The following BCL2 variants were observed in gnomAD, a reference collection of about 807,000 sequenced individuals.
The protein encoded by BCL2 is apoptosis regulator Bcl-2.
Under a neutral mutation model 14.2 loss-of-function variants are expected in BCL2, and 1 was observed. That is an observed-to-expected ratio of 0.07 (90% CI 0.02 to 0.33). BCL2 has a LOEUF of 0.33. Among genes scored for constraint, BCL2 ranks in the 10% least tolerant of loss-of-function variants. The pLI, the probability that BCL2 is intolerant of heterozygous loss-of-function variation, is 0.99. For synonymous variants in BCL2, 151 were observed against 137.2 expected (o/e 1.10, Z -0.70); for missense variants, 247 against 305.9 (o/e 0.81, Z 1.44).
chr18:63,164,802 G>A (rs1231714015), intron 2 of BCL2, among the ~76,000 whole-genome samples: 1 of 152,182 alleles, frequency 6.6e-6, no homozygotes. Flanking sequence ...AGGCGTGAAC[G>A]TCAGCGTTCA....
chr18:63,249,765 A>G (rs1346791492), intron 2 of BCL2, among the ~76,000 whole-genome samples: 1 of 151,392 alleles, frequency 6.6e-6, no homozygotes, highest in Non-Finnish European at 1.5e-5. Flanking sequence ...GGAGTTAACC[A>G]AGACCCCCAG....
intron 2 of BCL2, among the ~76,000 whole-genome samples, chr18:63,296,517 TAG>T (rs1325299742): frequency 6.6e-6 from 1 of 152,206 alleles, no homozygotes; most frequent in Admixed American, 6.5e-5. Context: ...TTGCTCAAGC[TAG>T]TCTTGAACAC....
At chr18:63,242,685 C>T (rs917608052) in intron 2 of BCL2, among the ~76,000 whole-genome samples, 2 of 152,152 alleles carry the variant, frequency 1.3e-5, no homozygotes, top group African/African-American at 4.8e-5. Flanking sequence ...GCATTCTCAC[C>T]GTTCTCCAGA....
intron 2 of BCL2, among the ~76,000 whole-genome samples, chr18:63,192,677 A>G (rs1909320753): frequency 1.3e-5 from 2 of 152,190 alleles, no homozygotes; most frequent in South Asian, 4.1e-4. Context: ...CCACGGCCAC[A>G]GCACTTGCCA....
intron 2 of BCL2, among the ~76,000 whole-genome samples, chr18:63,190,929 A>G (rs1440475799): frequency 6.6e-6 from 1 of 152,112 alleles, no homozygotes; most frequent in Non-Finnish European, 1.5e-5. Context: ...TTCAGCTCCC[A>G]TTTATAAGTG....
chr18:63,145,011 G>A (rs1351324618), intron 2 of BCL2, among the ~76,000 whole-genome samples: 1 of 152,192 alleles, frequency 6.6e-6, no homozygotes, highest in Non-Finnish European at 1.5e-5. Flanking sequence ...TTAAAATGTT[G>A]TATGATATAG....
intron 2 of BCL2, among the ~76,000 whole-genome samples, chr18:63,249,260 G>A (rs774486364): frequency 2.2e-4 from 34 of 152,126 alleles, no homozygotes; most frequent in Non-Finnish European, 4.4e-4. Context: ...GTGTCACTAA[G>A]TCCAATTGGT....
intron 2 of BCL2, among the ~76,000 whole-genome samples, chr18:63,210,764 T>C (rs181758826): frequency 2.0e-5 from 3 of 152,256 alleles, no homozygotes; most frequent in African/African-American, 7.2e-5. Context: ...TTTTTAAAGA[T>C]CTTTCCATTC....
intron 2 of BCL2, among the ~76,000 whole-genome samples, chr18:63,170,115 T>C (rs775397864): frequency 6.6e-6 from 1 of 152,168 alleles, no homozygotes; most frequent in Non-Finnish European, 1.5e-5. Flanking sequence ...AGCTGCTAAA[T>C]GCCTCTGTGC....
chr18:63,241,133 C>T (rs4987761), intron 2 of BCL2, among the ~76,000 whole-genome samples: 1,865 of 152,322 alleles, frequency 0.012, 35 homozygotes, highest in African/African-American at 0.042. Flanking sequence ...TACAAAAGCA[C>T]GTGGTGAGCA....
chr18:63,222,051 C>A (rs1029401994), intron 2 of BCL2, among the ~76,000 whole-genome samples: 1 of 152,050 alleles, frequency 6.6e-6, no homozygotes, highest in Non-Finnish European at 1.5e-5. Context: ...GAGGCTGAGG[C>A]AGGCAGATCA....
rs377690125 is a variant in BCL2, at chr18:63,223,051, G to A, written c.586-94292C>T. 5.3e-5 allele frequency among the ~76,000 whole-genome samples: 8 copies of A among 152,330 alleles called. No homozygotes were observed. In the East Asian group the frequency reaches 5.8e-4, roughly 11 times the overall value. The stretch of plus-strand genomic sequence containing the variant: ...ACCAGTGGATCCTCCAAAGGCTCAG[G>A]AACAGATAGCACCGGTGACCTCTGG... On this transcript the variant is annotated intron_variant, in intron 2 of 2. Transcript: ENST00000333681.
rs1913872973 is a variant in BCL2 at position 63,124,981 on chromosome 18, T to C, written c.*3644A>G. The C allele has an allele frequency of 4.5e-6, 1 of 221,938 alleles. No homozygotes were observed. The highest frequency in any genetic ancestry group is 9.0e-6 in the Non-Finnish European group (1 of 110,732). 13.7% of individuals were successfully genotyped at this position (221,938 alleles called of 1,614,324 possible). Reference sequence around the variant, plus strand: ...GTTCACATTTATAAACTATTTGTTTTAGGATAAGTTCAATTACAAATAGAG... The same window carrying C: ...GTTCACATTTATAAACTATTTGTTTCAGGATAAGTTCAATTACAAATAGAG... On this transcript the variant is annotated 3_prime_UTR_variant, in exon 3 of 3. Coordinates refer to ENST00000333681, the MANE Select transcript of BCL2 (RefSeq NM_000633.3).
At chr18:63,216,258 A>G (rs1910199594) in intron 2 of BCL2, among the ~76,000 whole-genome samples, 1 of 152,186 alleles carries the variant, frequency 6.6e-6, no homozygotes, top group Admixed American at 6.5e-5. Flanking sequence ...GTGGAAGTGG[A>G]TAATCATCAA....
At chr18:63,185,246 G>A (rs1915565946) in intron 2 of BCL2, among the ~76,000 whole-genome samples, 1 of 152,206 alleles carries the variant, frequency 6.6e-6, no homozygotes, top group African/African-American at 2.4e-5. Flanking sequence ...AATCTTAAAA[G>A]GATTTCTGAA....
intron 2 of BCL2, among the ~76,000 whole-genome samples, chr18:63,312,132 T>C (rs1296113333): frequency 6.6e-6 from 1 of 152,248 alleles, no homozygotes; most frequent in East Asian, 1.9e-4. Context: ...CCTCTCACTT[T>C]GATTAGACTC....
chr18:63,212,434 A>G (rs1910054785), intron 2 of BCL2, among the ~76,000 whole-genome samples: 1 of 151,836 alleles, frequency 6.6e-6, no homozygotes, highest in Admixed American at 6.6e-5. Context: ...GAAGGAAATT[A>G]TGATGCATTT....
intron 2 of BCL2, chr18:63,302,761 G>C (rs1311028198): frequency 2.0e-6 from 2 of 985,292 alleles, no homozygotes; most frequent in African/African-American, 3.5e-5. Flanking sequence ...TATCTTGTCA[G>C]AATTTCGCGT....
chr18:63,259,782 T>G (rs1032887783), intron 2 of BCL2, among the ~76,000 whole-genome samples: 4 of 152,206 alleles, frequency 2.6e-5, no homozygotes, highest in Non-Finnish European at 5.9e-5. Context: ...CAAGTCACAA[T>G]TCAAATACTC....
Sources: gnomAD v4.1 joint callset for allele counts (sites outside exome capture counted in the v4.1 genomes callset) on GRCh38, gnomAD v4.1.1 for gene constraint, MANE v1.5 for transcripts, NCBI Gene and HGNC (gene_info 2026-07-23, HGNC 2026-07-21) for gene names.